TENM2: variants seen among roughly 807,000 people sequenced by gnomAD.
TENM2 encodes the protein teneurin-2.
Under a neutral mutation model 245.2 loss-of-function variants are expected in TENM2, and 52 were observed. That is an observed-to-expected ratio of 0.21 (90% CI 0.17 to 0.27). TENM2 has a LOEUF of 0.27. TENM2 is among the 10% of genes least tolerant of loss of function. The probability of loss-of-function intolerance (pLI) is 1.00; values close to 1 mark genes in which losing one functional copy is unlikely to be tolerated. For missense variants in TENM2, 3,046 were observed against 3,666.8 expected (o/e 0.83, Z 4.37); for synonymous variants, 1,363 against 1,438.9 (o/e 0.95, Z 1.19).
At chr5:167,542,411 T>C (rs1469089141) in intron 2 of TENM2, among the ~76,000 whole-genome samples, 1 of 152,150 alleles carries the variant, frequency 6.6e-6, no homozygotes, top group Non-Finnish European at 1.5e-5. Flanking sequence ...CTGTACATCA[T>C]GTGAATAAGA....
intron 2 of TENM2, among the ~76,000 whole-genome samples, chr5:167,858,952 T>C (rs1175637132): frequency 1.5e-5 from 2 of 134,652 alleles, no homozygotes; most frequent in Non-Finnish European, 3.3e-5. Flanking sequence ...AAGTGAGGAG[T>C]GTCTCTGCCT....
At chr5:168,144,767 C>CA (rs1330189186) in intron 12 of TENM2, among the ~76,000 whole-genome samples, 3 of 152,162 alleles carry the variant, frequency 2.0e-5, no homozygotes, top group African/African-American at 7.2e-5. Flanking sequence ...CTGACTTCCA[C>CA]ATGGTTGAAC....
chr5:167,060,208 C>T, the TENM2 span, among the ~76,000 whole-genome samples: 4 of 151,890 alleles, frequency 2.6e-5, no homozygotes, highest in Admixed American at 6.6e-5. Context: ...CCTGGTGGTA[C>T]GATTAGAATT....
chr5:168,124,431 T>C (rs1455354954), intron 10 of TENM2, among the ~76,000 whole-genome samples: 2 of 152,230 alleles, frequency 1.3e-5, no homozygotes, highest in African/African-American at 2.4e-5. Flanking sequence ...TTCTCTCTTA[T>C]AGTGAGGGGC....
At position 167,840,805 on chromosome 5, in the gene TENM2, A is replaced by T. The variant is rs148344664; in HGVS notation, c.503-35181A>T. On this transcript the variant is annotated intron_variant, in intron 2 of 28. Transcript: ENST00000518659. ...AAGATCACAAATGAATTAATGTCAA[A>T]AAAACAATGTGTGGTCTATAATAAT... Among the ~76,000 whole-genome samples, 720 of 152,318 alleles carry T rather than the reference A, an allele frequency of 4.7e-3. 7 individuals carry two copies. Among genetic ancestry groups the T allele is most frequent in the African/African-American group, 0.016 (678 of 41,566 alleles).
intron 2 of TENM2, among the ~76,000 whole-genome samples, chr5:167,844,943 T>A (rs1336105723): frequency 6.6e-6 from 1 of 151,810 alleles, no homozygotes; most frequent in Non-Finnish European, 1.5e-5. Flanking sequence ...TTCTCTAATA[T>A]CCTCCTCCCT....
chr5:167,646,116 A>G (rs1463464688), intron 2 of TENM2, among the ~76,000 whole-genome samples: 1 of 146,794 alleles, frequency 6.8e-6, no homozygotes, highest in South Asian at 2.2e-4. Flanking sequence ...ACACACATAT[A>G]TATGTGCATA....
At chr5:168,014,680 T>C (rs1785516990) in intron 5 of TENM2, among the ~76,000 whole-genome samples, 2 of 152,222 alleles carry the variant, frequency 1.3e-5, no homozygotes, top group Admixed American at 6.5e-5. Flanking sequence ...TCATCATTCA[T>C]TGAAGTTCAC....
At chr5:167,353,803 G>A (rs1475413568) in intron 1 of TENM2, among the ~76,000 whole-genome samples, 3 of 152,132 alleles carry the variant, frequency 2.0e-5, no homozygotes, top group East Asian at 1.9e-4. Flanking sequence ...CACCGCGCCC[G>A]GCCGTATATG....
At position 167,528,075 on chromosome 5, in the gene TENM2, A is replaced by G. The variant is rs113100528; in HGVS notation, c.502+152602A>G. 2.9e-3 allele frequency among the ~76,000 whole-genome samples: 444 copies of G among 152,306 alleles called. 1 individual carries two copies. The highest frequency in any genetic ancestry group is 0.01 in the African/African-American group (430 of 41,586). On this transcript the variant is annotated intron_variant, in intron 2 of 28. Coordinates refer to ENST00000518659, the Ensembl canonical transcript of TENM2. The stretch of plus-strand genomic sequence containing the variant: ...ATAGCTGTATAAAGTCAGTCTTCTG[A>G]CAAATTTCATATTGCCTTTTTTTAA...
chr5:167,220,973 C>G, the TENM2 span, among the ~76,000 whole-genome samples: 1 of 152,050 alleles, frequency 6.6e-6, no homozygotes, highest in Admixed American at 6.6e-5. Context: ...ATTACAGGAG[C>G]CTACCACCAT....
the TENM2 span, among the ~76,000 whole-genome samples, chr5:167,107,824 C>A: frequency 6.6e-6 from 1 of 152,160 alleles, no homozygotes; most frequent in Non-Finnish European, 1.5e-5. Context: ...AAGTCTGTAC[C>A]CTTAAGCCAT....
the TENM2 span, among the ~76,000 whole-genome samples, chr5:167,102,609 G>C: frequency 6.6e-6 from 1 of 152,216 alleles, no homozygotes; most frequent in Non-Finnish European, 1.5e-5. Context: ...CGGAGACTGT[G>C]TCTCTCTGGG....
chr5:167,508,980 G>A (rs1182619547), intron 2 of TENM2, among the ~76,000 whole-genome samples: 8 of 151,962 alleles, frequency 5.3e-5, no homozygotes, highest in African/African-American at 1.2e-4. Context: ...CACCACGCCC[G>A]GCTAATTTTG....
chr5:167,582,229 A>G (rs1308024564), intron 2 of TENM2, among the ~76,000 whole-genome samples: 1 of 152,220 alleles, frequency 6.6e-6, no homozygotes, highest in Non-Finnish European at 1.5e-5. Flanking sequence ...TCAATCAAGC[A>G]AAGAATGTGA....
intron 17 of TENM2, among the ~76,000 whole-genome samples, chr5:168,200,588 T>G (rs1010297603): frequency 6.6e-6 from 1 of 152,080 alleles, no homozygotes; most frequent in Non-Finnish European, 1.5e-5. Flanking sequence ...ATTCAAGATG[T>G]TGGGAGAGAG....
chr5:167,465,882 A>G (rs1313477585), intron 2 of TENM2, among the ~76,000 whole-genome samples: 1 of 152,056 alleles, frequency 6.6e-6, no homozygotes, highest in Non-Finnish European at 1.5e-5. Flanking sequence ...AAACTACACT[A>G]TGAGAAACCT....
chr5:168,165,716 A>AGTGGTGATT (rs1758224538), intron 13 of TENM2: 1 of 133,878 alleles, frequency 7.5e-6, no homozygotes, highest in African/African-American at 2.8e-5. Context: ...CAAATGAGGC[A>AGTGGTGATT]GTGGTGATTA....
chr5:168,235,112 A>AACAC (rs1765309800), intron 25 of TENM2, among the ~76,000 whole-genome samples: 1 of 152,192 alleles, frequency 6.6e-6, no homozygotes, highest in Admixed American at 6.5e-5. Context: ...CCGGTCTGTT[A>AACAC]ACACACACAA....
Sources: allele counts gnomAD v4.1 joint callset (sites outside exome capture counted in the v4.1 genomes callset), GRCh38; gene constraint gnomAD v4.1.1; transcripts MANE v1.5; gene names NCBI Gene and HGNC (gene_info 2026-07-23, HGNC 2026-07-21).